Variants in PLA2G7 observed in about 807,000 individuals in gnomAD.
PLA2G7 encodes the protein phospholipase A2 group VII, also known as platelet-activating factor acetylhydrolase.
In PLA2G7, 63 loss-of-function variants were observed where a neutral mutation model predicts 49.6. The observed-to-expected ratio is 1.27, with a 90% CI of 1.04 to 1.57. The LOEUF is 1.57. PLA2G7 is among the 40% of genes most tolerant of loss of function. The pLI is 0.00. For missense variants in PLA2G7, 596 were observed against 521.2 expected, an observed-to-expected ratio of 1.14 and a Z score of -1.40; for synonymous variants, 193 against 169.9, an observed-to-expected ratio of 1.14 and a Z score of -1.06.
intron 1 of PLA2G7, among the ~76,000 whole-genome samples, chr6:46,731,587 A>G (rs1463895662): frequency 1.3e-5 from 2 of 152,208 alleles, no homozygotes; most frequent in Admixed American, 6.5e-5. Context: ...CTTAGTTAAG[A>G]GTTTCCAGTT....
intron 1 of PLA2G7, among the ~76,000 whole-genome samples, chr6:46,733,350 A>T (rs1290043200): frequency 6.6e-6 from 1 of 152,216 alleles, no homozygotes; most frequent in Non-Finnish European, 1.5e-5. Flanking sequence ...GTGCTAAGCA[A>T]GCCCTTCCAC....
At chr6:46,733,663 G>T (rs1765802710) in intron 1 of PLA2G7, among the ~76,000 whole-genome samples, 1 of 152,216 alleles carries the variant, frequency 6.6e-6, no homozygotes, top group South Asian at 2.1e-4. Context: ...ACCACTTTCT[G>T]CAGGGCCAGC....
chr6:46,707,950 CAA>C (rs765867670), intron 10 of PLA2G7, 39 bp downstream of exon 10: 1 of 1,269,034 alleles, frequency 7.9e-7, no homozygotes, highest in South Asian at 1.2e-5. Flanking sequence ...ACCCAAGCTT[CAA>C]GTTTGTTTCA....
At chr6:46,714,416 A>G (rs776552347) in intron 5 of PLA2G7, 44 bp downstream of exon 5, 3 of 1,193,314 alleles carry the variant, frequency 2.5e-6, no homozygotes, top group Admixed American at 1.7e-5. Context: ...AAAAATTGTC[A>G]TTTATTCCTG....
Position 46,711,375 on chromosome 6 carries a change from G to T in PLA2G7, c.663+121C>A, listed in dbSNP as rs1488633453. 4.7e-6 allele frequency: 5 copies of T among 1,065,190 alleles called. No homozygotes were observed. In the East Asian group the frequency reaches 9.5e-5, roughly 20 times the overall value. The allele number at this position is 1,065,190 out of a possible 1,614,324, so 66.0% of individuals were successfully genotyped here. ...CCAGGAATCTATTGACAGATCTTTT[G>T]GGAATGGGAAATAGGAGAGCTAGGA... On this transcript the variant is annotated intron_variant, in intron 7 of 11. Coordinates refer to ENST00000274793, the MANE Select transcript of PLA2G7 (RefSeq NM_005084.4).
rs45570440 is a variant in PLA2G7 at position 46,706,993 on chromosome 6, CCTCTT to C, written c.1040+993_1040+997del. The stretch of plus-strand genomic sequence containing the variant: ...CTATACTCCATATATTTCCTTCCTG[CCTCTT>C]CTCTTCTCCTAAATAAACCAGATTT... On this transcript the variant is annotated intron_variant, in intron 10 of 11. Transcript: ENST00000274793. 1.9e-3 allele frequency among the ~76,000 whole-genome samples: 295 copies of C among 152,250 alleles called. 1 individual carries two copies. Among genetic ancestry groups the C allele is most frequent in the African/African-American group, 6.4e-3 (266 of 41,548 alleles).
In PLA2G7 at chr6:46,708,000, A is replaced by C. The variant is rs769766974; in HGVS notation, c.1031T>G (p.Ile344Ser). 78 of 1,564,210 alleles carry C rather than the reference A, an allele frequency of 5.0e-5. 2 individuals carry two copies. In the South Asian group the frequency reaches 7.9e-4, roughly 16 times the overall value. The change falls in exon 10 of 12, where the codon ATT (isoleucine) becomes AGT (serine). Residue 344 changes from isoleucine to serine, a missense_variant. Coordinates refer to ENST00000274793, the MANE Select transcript of PLA2G7 (RefSeq NM_005084.4). ...CYSPDKERKM[I>S]TIRGSVHQNF... ...AGTCACTAATACTTACCTGATTGTA[A>C]TCATCTTTCTTTCTTTATCAGGTGA...
At chr6:46,734,487 A>C (rs552494451) in intron 1 of PLA2G7, among the ~76,000 whole-genome samples, 2 of 102,402 alleles carry the variant, frequency 2.0e-5, no homozygotes, top group Non-Finnish European at 4.3e-5. Flanking sequence ...AGAGAGAGAG[A>C]GAGACGGAGA....
chr6:46,712,338 C>A lies in PLA2G7; in HGVS notation c.471-1G>T. 6.2e-7 allele frequency: 1 copy of A among 1,608,812 alleles called. No homozygotes were observed. Among genetic ancestry groups the A allele is most frequent in the South Asian group, 1.1e-5 (1 of 90,930 alleles). On this transcript the variant is annotated splice_acceptor_variant, in intron 5 of 11. Coordinates refer to ENST00000274793, the MANE Select transcript of PLA2G7 (RefSeq NM_005084.4). LOFTEE classifies it high-confidence loss of function. ...AATGCCAATAGCAGAATAAAGTGTC[C>A]TTCAAAACAAAAAGAGGGAAGAATT... is the stretch of plus-strand genomic sequence containing the variant.
At chr6:46,711,928 C>A (rs1765042031) in intron 6 of PLA2G7, among the ~76,000 whole-genome samples, 1 of 152,126 alleles carries the variant, frequency 6.6e-6, no homozygotes, top group Non-Finnish European at 1.5e-5. Flanking sequence ...AGTTGTGTGA[C>A]TTTGGGCAAA....
At chr6:46,725,465 C>T (rs1765541476) in intron 1 of PLA2G7, among the ~76,000 whole-genome samples, 1 of 152,016 alleles carries the variant, frequency 6.6e-6, no homozygotes, top group Admixed American at 6.6e-5. Context: ...CTCCTGACCT[C>T]ATGATCTGCC....
intron 1 of PLA2G7, among the ~76,000 whole-genome samples, chr6:46,726,068 G>A (rs1765565643): frequency 1.3e-5 from 2 of 152,220 alleles, no homozygotes; most frequent in Admixed American, 6.5e-5. Flanking sequence ...GGGCAACCCA[G>A]CAAGCCCTGT....
intron 4 of PLA2G7, among the ~76,000 whole-genome samples, chr6:46,715,067 C>T (rs1316789306): frequency 1.3e-5 from 2 of 152,104 alleles, no homozygotes; most frequent in African/African-American, 4.8e-5. Flanking sequence ...GGATCATTAA[C>T]GATGAGTTCT....
At chr6:46,709,470 A>G (rs1764938678) in intron 8 of PLA2G7, 52 bp from the exon 9 acceptor site, 1 of 1,010,606 alleles carries the variant, frequency 9.9e-7, no homozygotes, top group Admixed American at 1.7e-5. Context: ...GTGTTAGAAG[A>G]AATGATTTTG....
chr6:46,713,197 C>T (rs1041132128), intron 5 of PLA2G7, among the ~76,000 whole-genome samples: 25 of 152,262 alleles, frequency 1.6e-4, no homozygotes, highest in South Asian at 8.3e-4. Context: ...ACAACCTTTT[C>T]CTCATACCAT....
chr6:46,716,296 C>G, intron 4 of PLA2G7, 88 bp downstream of exon 4: 3 of 1,366,472 alleles, frequency 2.2e-6, no homozygotes, highest in Non-Finnish European at 3.1e-6. Context: ...GAAAAATCTA[C>G]TTTGGTCTTA....
At chr6:46,720,876 C>A (rs1342814232) in intron 2 of PLA2G7, among the ~76,000 whole-genome samples, 1 of 152,120 alleles carries the variant, frequency 6.6e-6, no homozygotes, top group Non-Finnish European at 1.5e-5. Context: ...GGCTTTATGT[C>A]CTCCATTAGT....
intron 7 of PLA2G7, among the ~76,000 whole-genome samples, chr6:46,711,011 CACTTA>C (rs1233652180): frequency 5.3e-5 from 8 of 152,322 alleles, no homozygotes; most frequent in East Asian, 3.9e-4. Flanking sequence ...CAATATGCTT[CACTTA>C]ACTTAACTGC....
At position 46,716,510 on chromosome 6, in the gene PLA2G7, A is replaced by G. The variant is rs199793731; in HGVS notation, c.250T>C (p.Tyr84His). The G allele has an allele frequency of 4.2e-5, 68 of 1,613,730 alleles. 1 individual carries two copies. The South Asian group carries it at 7.5e-4, about 18-fold the overall frequency. ...HTNKGTFLRL[Y>H]YPSQDNDRLD... ...CGATCATTATCTTGGGATGGATAATATAAACGCAAGAAGGTGCCCTGTTAA... is the reference window on the plus strand; with the variant it reads ...CGATCATTATCTTGGGATGGATAATGTAAACGCAAGAAGGTGCCCTGTTAA... The change falls in exon 4 of 12, where the codon TAT becomes CAT. Residue 84 changes from tyrosine (Y) to histidine (H), a missense_variant. By Grantham distance (83) the Tyr-to-His change is moderately conservative. Coordinates refer to ENST00000274793, the MANE Select transcript of PLA2G7 (RefSeq NM_005084.4).
Sources: allele counts gnomAD v4.1 joint callset (sites outside exome capture counted in the v4.1 genomes callset), GRCh38; gene constraint gnomAD v4.1.1; transcripts MANE v1.5; gene names NCBI Gene and HGNC (gene_info 2026-07-23, HGNC 2026-07-21).